Variants in MRPL13 observed in about 807,000 individuals in gnomAD.
MRPL13 encodes the protein large ribosomal subunit protein uL13m.
In MRPL13, 33 loss-of-function variants were observed where a neutral mutation model predicts 29.0. The ratio of observed to expected loss-of-function variants is 1.14; its 90% CI spans 0.86 to 1.52. The LOEUF (loss-of-function observed/expected upper bound fraction) is 1.52. MRPL13 is among the 40% of genes most tolerant of loss of function. MRPL13 has a pLI of 0.00. For synonymous variants in MRPL13, 77 were observed against 68.4 expected, an observed-to-expected ratio of 1.13 and a Z score of -0.62; for missense variants, 227 against 216.7, an observed-to-expected ratio of 1.05 and a Z score of -0.30.
At chr8:120,434,727 G>C (rs1813032814) in intron 2 of MRPL13, among the ~76,000 whole-genome samples, 1 of 152,036 alleles carries the variant, frequency 6.6e-6, no homozygotes, top group Non-Finnish European at 1.5e-5. Flanking sequence ...CTTGATTAGG[G>C]ATTCAAGGAG....
intron 3 of MRPL13, among the ~76,000 whole-genome samples, chr8:120,430,467 AGT>A (rs1812985597): frequency 6.6e-6 from 1 of 152,182 alleles, no homozygotes; most frequent in Admixed American, 6.5e-5. Context: ...ATTGTAATAC[AGT>A]GTTATGAGCA....
intron 1 of MRPL13, among the ~76,000 whole-genome samples, chr8:120,443,666 G>A (rs1813160435): frequency 6.7e-6 from 1 of 149,010 alleles, no homozygotes; most frequent in African/African-American, 2.5e-5. Flanking sequence ...GAGGGGCAAT[G>A]AGAAGCTTGT....
Position 120,396,118 on chromosome 8 carries a change from C to T in MRPL13, c.523G>A (p.Asp175Asn), listed in dbSNP as rs368686814. 2.5e-6 allele frequency: 4 copies of T among 1,586,364 alleles called. No homozygotes were observed. The highest frequency in any genetic ancestry group is 2.6e-6 in the Non-Finnish European group (3 of 1,161,574). Residue 175 changes from aspartate to asparagine, a missense_variant, in exon 7 of 7, where the codon GAT (aspartate) becomes AAT (asparagine). Physicochemically the swap from Asp to Asn is conservative, Grantham distance 23. Transcript: ENST00000306185. ...AFPRLWTPPE[D>N]YRL is the part of the protein sequence containing the mutation. The stretch of plus-strand genomic sequence containing the variant: ...TTCTTATTCTCTTATAGCCGATAAT[C>T]TTCAGGTCTGAAAGAAAAAATCAAC...
chr8:120,399,235 C>G (rs1257911585), intron 6 of MRPL13, among the ~76,000 whole-genome samples: 1 of 152,210 alleles, frequency 6.6e-6, no homozygotes. Context: ...ATGTTAAGGA[C>G]AGCCAGAGAG....
chr8:120,396,263 G>A (rs1046582203), intron 6 of MRPL13, 138 bp from the exon 7 acceptor site: 35 of 635,256 alleles, frequency 5.5e-5, no homozygotes, highest in Non-Finnish European at 8.4e-5. Context: ...TAAATTTTTG[G>A]TGAAAAAAAA....
In MRPL13 at chr8:120,433,627, A is replaced by T. The variant is rs1026033639; in HGVS notation, c.152-1504T>A. ...CTTTCAGTTCTAAGGTATCACATCT[A>T]ATCTGGGAAAAATTGTTCTTCCTCA... On this transcript the variant is annotated intron_variant, in intron 2 of 6. Transcript: ENST00000306185. Among the ~76,000 whole-genome samples, 4 of 152,108 alleles carry T rather than the reference A, an allele frequency of 2.6e-5. No individual in the cohort carries two copies. In the East Asian group the frequency reaches 7.7e-4, roughly 29 times the overall value.
At chr8:120,398,770 G>A (rs183032725) in intron 6 of MRPL13, among the ~76,000 whole-genome samples, 131 of 152,222 alleles carry the variant, frequency 8.6e-4, no homozygotes, top group African/African-American at 3.0e-3. Flanking sequence ...AACAATACAG[G>A]AGCCAACAGC....
chr8:120,398,330 T>C (rs766533409), intron 6 of MRPL13, among the ~76,000 whole-genome samples: 1 of 152,154 alleles, frequency 6.6e-6, no homozygotes. Context: ...TAACTGGTGA[T>C]ACCTCCAGGT....
chr8:120,429,144 A>G (rs1246506603), intron 3 of MRPL13, among the ~76,000 whole-genome samples: 1 of 152,226 alleles, frequency 6.6e-6, no homozygotes, highest in African/African-American at 2.4e-5. Context: ...GTACATATAT[A>G]CCATGAAATA....
intron 6 of MRPL13, among the ~76,000 whole-genome samples, chr8:120,411,025 C>T (rs1251973938): frequency 2.6e-5 from 4 of 151,664 alleles, no homozygotes; most frequent in South Asian, 2.1e-4. Flanking sequence ...TGATCCACCG[C>T]GCCAGGCTTC....
At chr8:120,423,936 C>A (rs1812902150) in intron 4 of MRPL13, among the ~76,000 whole-genome samples, 2 of 151,960 alleles carry the variant, frequency 1.3e-5, no homozygotes, top group African/African-American at 4.8e-5. Flanking sequence ...TAAAAATCTT[C>A]TAAGGGCTTT....
rs1282069582 is a variant in MRPL13 at position 120,443,313 on chromosome 8, G to GC, written c.28-6_28-5insG. 42 of 1,469,708 alleles carry GC rather than the reference G, an allele frequency of 2.9e-5. No individual in the cohort carries two copies. The highest frequency in any genetic ancestry group is 3.8e-5 in the Non-Finnish European group (42 of 1,111,308). The allele number at this position is 1,469,708 out of a possible 1,614,324, so 91.0% of individuals were successfully genotyped here. ...TCTAGCAAAAGTGGCCCATTGCTTG[G>GC]GGGGGAAAAAAAAAAAAAAGAAGAG... On this transcript the variant is annotated splice_region_variant and splice_polypyrimidine_tract_variant and intron_variant, in intron 1 of 6. Coordinates refer to ENST00000306185, the MANE Select transcript of MRPL13 (RefSeq NM_014078.6).
At chr8:120,415,138 A>G (rs768866704) in intron 5 of MRPL13, 15 of 152,216 alleles carry the variant, frequency 9.9e-5, no homozygotes, top group South Asian at 6.2e-4. Context: ...TTTATATTGT[A>G]CTCATGATGC....
chr8:120,419,079 G>A (rs945640436), intron 5 of MRPL13, among the ~76,000 whole-genome samples: 1 of 151,946 alleles, frequency 6.6e-6, no homozygotes, highest in Non-Finnish European at 1.5e-5. Flanking sequence ...AGCACTTATT[G>A]TGCCAGTTTC....
chr8:120,425,961 A>C (rs1169992079), intron 3 of MRPL13, among the ~76,000 whole-genome samples: 2 of 152,132 alleles, frequency 1.3e-5, no homozygotes, highest in African/African-American at 4.8e-5. Flanking sequence ...TACTGGAGGC[A>C]GCTTAGCTTC....
chr8:120,429,631 A>C (rs1166492330), intron 3 of MRPL13, among the ~76,000 whole-genome samples: 2 of 152,166 alleles, frequency 1.3e-5, no homozygotes, highest in Non-Finnish European at 2.9e-5. Flanking sequence ...TTAGTAACCA[A>C]AAATAATACT....
At chr8:120,434,181 T>C (rs867401516) in intron 2 of MRPL13, among the ~76,000 whole-genome samples, 1 of 152,086 alleles carries the variant, frequency 6.6e-6, no homozygotes. Flanking sequence ...GGGCAGCTCT[T>C]AGTCCTACAC....
intron 6 of MRPL13, among the ~76,000 whole-genome samples, chr8:120,404,807 G>A (rs561044982): frequency 1.6e-4 from 24 of 152,354 alleles, no homozygotes; most frequent in African/African-American, 5.8e-4. Context: ...CTAGGAGGTA[G>A]ATGGCAGGGA....
At chr8:120,402,857 TAAAAG>T (rs976091651) in intron 6 of MRPL13, among the ~76,000 whole-genome samples, 8 of 152,034 alleles carry the variant, frequency 5.3e-5, no homozygotes, top group African/African-American at 1.9e-4. Flanking sequence ...AGACACTTCT[TAAAAG>T]AAGACATTCA....
Sources: gnomAD v4.1 joint callset for allele counts (sites outside exome capture counted in the v4.1 genomes callset) on GRCh38, gnomAD v4.1.1 for gene constraint, MANE v1.5 for transcripts, NCBI Gene and HGNC (gene_info 2026-07-23, HGNC 2026-07-21) for gene names.